SSBP3: variants seen among roughly 807,000 people sequenced by gnomAD.
The protein encoded by SSBP3 is single-stranded DNA-binding protein 3.
A neutral mutation model predicts 69.6 loss-of-function variants in SSBP3; 5 were observed. The observed-to-expected ratio is 0.07, with a 90% CI of 0.04 to 0.15. SSBP3 has a LOEUF of 0.15. SSBP3 is among the 10% of genes least tolerant of loss of function. SSBP3 has a pLI of 1.00. For synonymous variants in SSBP3, 196 were observed against 193.4 expected (o/e 1.01, Z -0.11); for missense variants, 312 against 534.0 (o/e 0.58, Z 4.10).
chr1:54,305,074 T>C (rs890382194), intron 4 of SSBP3, among the ~76,000 whole-genome samples: 1 of 152,114 alleles, frequency 6.6e-6, no homozygotes, highest in African/African-American at 2.4e-5. Context: ...GCAGAGACCA[T>C]GTATGCCTGG....
intron 4 of SSBP3, among the ~76,000 whole-genome samples, chr1:54,394,441 A>T (rs1648715228): frequency 1.3e-5 from 2 of 151,032 alleles, no homozygotes; most frequent in South Asian, 4.2e-4. Flanking sequence ...ATCATTCCAC[A>T]CAATTCTTTT....
At chr1:54,276,945 A>G (rs562408) in intron 5 of SSBP3, among the ~76,000 whole-genome samples, 92,271 of 151,994 alleles carry the variant, frequency 0.61, 28,356 homozygotes, top group South Asian at 0.71. Context: ...AGCTTGGCAG[A>G]CAGGCCTCTC....
intron 4 of SSBP3, among the ~76,000 whole-genome samples, chr1:54,339,256 A>G (rs566634315): frequency 2.0e-5 from 3 of 152,356 alleles, no homozygotes; most frequent in African/African-American, 4.8e-5. Flanking sequence ...ATTAAATGGA[A>G]AGCATAGTTA....
At chr1:54,400,059 T>C (rs1649185446) in intron 4 of SSBP3, among the ~76,000 whole-genome samples, 1 of 152,204 alleles carries the variant, frequency 6.6e-6, no homozygotes, top group African/African-American at 2.4e-5. Flanking sequence ...CCAACCTCAG[T>C]GATCTCTATA....
rs568588025 is a variant in SSBP3, at chr1:54,227,890, C to T, written c.1137+365G>A. ...ACTATAGAAAAGCAGACAGCCAACC[C>T]GTGTTGAGAGCCCTGAAAATCGTTG... is the stretch of plus-strand genomic sequence containing the variant. On this transcript the variant is annotated intron_variant, in intron 17 of 17. Transcript: ENST00000610401. 2.3e-4 allele frequency among the ~76,000 whole-genome samples: 35 copies of T among 152,308 alleles called. No homozygotes were observed. In the South Asian group the frequency reaches 7.1e-3, roughly 31 times the overall value.
chr1:54,398,004 G>C (rs946134011), intron 4 of SSBP3, among the ~76,000 whole-genome samples: 2 of 152,136 alleles, frequency 1.3e-5, no homozygotes, highest in African/African-American at 4.8e-5. Context: ...CATACCCGGT[G>C]CCAGGTATGC....
chr1:54,228,458 T>A (rs748378375), exon 16 of SSBP3: 1 of 1,614,178 alleles, frequency 6.2e-7, no homozygotes, highest in South Asian at 1.1e-5. Flanking sequence ...CTTTTGGAAG[T>A]CCGTCTATGT....
At chr1:54,340,548 A>T (rs2100518291) in intron 4 of SSBP3, among the ~76,000 whole-genome samples, 1 of 152,374 alleles carries the variant, frequency 6.6e-6, no homozygotes, top group Admixed American at 6.5e-5. Context: ...CACAGCAAGG[A>T]GAAATGAGTA....
At chr1:54,255,162 G>T (rs1185771189) in intron 7 of SSBP3, among the ~76,000 whole-genome samples, 16 of 140,782 alleles carry the variant, frequency 1.1e-4, no homozygotes, top group Non-Finnish European at 2.4e-4. Context: ...GGGGGGCGGG[G>T]GGGGGGGTGG....
At chr1:54,399,149 T>C (rs1649109384) in intron 4 of SSBP3, among the ~76,000 whole-genome samples, 1 of 152,218 alleles carries the variant, frequency 6.6e-6, no homozygotes, top group African/African-American at 2.4e-5. Flanking sequence ...TGGAAGGTAC[T>C]GTGGGAGCTA....
At chr1:54,342,802 G>A (rs1646631480) in intron 4 of SSBP3, among the ~76,000 whole-genome samples, 1 of 152,126 alleles carries the variant, frequency 6.6e-6, no homozygotes, top group South Asian at 2.1e-4. Context: ...ACCCTGGGCA[G>A]GACCCTTCCC....
Position 54,242,936 on chromosome 1 carries a change from T to C in SSBP3, c.716+299A>G, listed in dbSNP as rs1030853985. On this transcript the variant is annotated intron_variant, in intron 10 of 17. Transcript: ENST00000610401. ...CTGTACTCCAGCCTGGACAACAGAA[T>C]GTGACTCTGTCTCAAAAAAAATAAA... The C allele has an allele frequency of 1.3e-5, 4 of 312,662 alleles. No individual in the cohort carries two copies. In the Admixed American group the frequency reaches 1.8e-4, roughly 14 times the overall value. 19.4% of individuals were successfully genotyped at this position (312,662 alleles called of 1,614,324 possible). A position where few individuals can be genotyped will look rare whatever the true frequency, so the allele number is the denominator to read the frequency against.
intron 14 of SSBP3, among the ~76,000 whole-genome samples, chr1:54,235,304 C>CA (rs1474720087): frequency 8.3e-6 from 1 of 120,172 alleles, no homozygotes; most frequent in African/African-American, 3.2e-5. Context: ...TTTTTTGAGA[C>CA]AGAGTCTCAC....
chr1:54,367,286 C>T (rs1282380488), intron 4 of SSBP3, among the ~76,000 whole-genome samples: 1 of 152,154 alleles, frequency 6.6e-6, no homozygotes, highest in Non-Finnish European at 1.5e-5. Context: ...AGAATACCAG[C>T]CATCGTTTTG....
chr1:54,296,369 C>A (rs1449837094), intron 4 of SSBP3, among the ~76,000 whole-genome samples: 1 of 152,246 alleles, frequency 6.6e-6, no homozygotes, highest in Non-Finnish European at 1.5e-5. Flanking sequence ...TACTTTGCTG[C>A]AAATCTGGCC....
intron 4 of SSBP3, among the ~76,000 whole-genome samples, chr1:54,307,226 G>A (rs910054363): frequency 1.3e-5 from 2 of 151,462 alleles, no homozygotes; most frequent in Admixed American, 6.6e-5. Context: ...CTATGGTCAC[G>A]CCCCCACTAT....
At chr1:54,343,043 C>G (rs1366416429) in intron 4 of SSBP3, among the ~76,000 whole-genome samples, 1 of 152,162 alleles carries the variant, frequency 6.6e-6, no homozygotes, top group Non-Finnish European at 1.5e-5. Flanking sequence ...CAGGATTTTA[C>G]ACATTTCCCA....
chr1:54,236,411 G>T (rs660013), intron 14 of SSBP3: 1 of 152,122 alleles, frequency 6.6e-6, no homozygotes, highest in Non-Finnish European at 1.5e-5. Context: ...GTGAGTCACC[G>T]CGCCCAGCCT....
chr1:54,398,870 C>T (rs1253384003), intron 4 of SSBP3, among the ~76,000 whole-genome samples: 5 of 152,160 alleles, frequency 3.3e-5, no homozygotes, highest in African/African-American at 1.2e-4. Context: ...GTCTGGTATC[C>T]AGGCTGCACA....
Sources: gnomAD v4.1 joint callset for allele counts (sites outside exome capture counted in the v4.1 genomes callset) on GRCh38, gnomAD v4.1.1 for gene constraint, MANE v1.5 for transcripts, NCBI Gene and HGNC (gene_info 2026-07-23, HGNC 2026-07-21) for gene names.